LYST: variants seen among roughly 807,000 people sequenced by gnomAD.
LYST encodes the protein lysosomal trafficking regulator.
In LYST, 192 loss-of-function variants were observed where a neutral mutation model predicts 413.6. The observed-to-expected ratio is 0.46, with a 90% confidence interval of 0.41 to 0.52. The LOEUF (loss-of-function observed/expected upper bound fraction) is 0.52, where lower values mean the gene tolerates loss of function less well. Ranked by LOEUF, LYST falls within the 20% of genes least tolerant of loss-of-function variation. LYST has a pLI of 0.00. For synonymous variants in LYST, 1,525 were observed against 1,567.3 expected (o/e 0.97, Z 0.64); for missense variants, 3,815 against 4,499.9 (o/e 0.85, Z 4.35).
chr1:235,866,583 G>C (rs1451261521), intron 1 of LYST, among the ~76,000 whole-genome samples: 2 of 152,220 alleles, frequency 1.3e-5, no homozygotes, highest in Non-Finnish European at 2.9e-5. Context: ...GCCCAGCCGA[G>C]CTCCCGCCCG....
rs139238969 is a variant in LYST at position 235,777,198 on chromosome 1, G to T, written c.5325C>A (p.Phe1775Leu). 36 of 1,613,642 alleles carry T rather than the reference G, an allele frequency of 2.2e-5. No homozygotes were observed. In the African/African-American group the frequency reaches 3.7e-4, roughly 17 times the overall value. Reference sequence around the variant, plus strand: ...AGATGCTCTGAACTTCTTTTGAGCTGAAGGGTCTTTGAGAGAGTTGGGTTT... The same window carrying T: ...AGATGCTCTGAACTTCTTTTGAGCTTAAGGGTCTTTGAGAGAGTTGGGTTT... ...QMKTQLSQRP[F>L]SSKEVQSILL... Residue 1775 changes from phenylalanine (F) to leucine (L), a missense_variant, in exon 17 of 53, where the codon TTC becomes TTA. Physicochemically the swap from Phe to Leu is conservative, Grantham distance 22 (BLOSUM62 0). Coordinates refer to ENST00000389793, the MANE Select transcript of LYST (RefSeq NM_000081.4).
chr1:235,765,319 A>G (rs1356504301), intron 21 of LYST, among the ~76,000 whole-genome samples: 1 of 152,142 alleles, frequency 6.6e-6, no homozygotes, highest in East Asian at 1.9e-4. Context: ...TACTATGCCC[A>G]GATTCTGTTA....
intron 3 of LYST, among the ~76,000 whole-genome samples, chr1:235,823,682 T>C (rs532384028): frequency 6.6e-6 from 1 of 152,364 alleles, no homozygotes; most frequent in African/African-American, 2.4e-5. Context: ...TTGTAGTTCA[T>C]TGAATGTGCT....
chr1:235,873,739 G>A (rs181564495), intron 1 of LYST, among the ~76,000 whole-genome samples: 154 of 152,238 alleles, frequency 1.0e-3, no homozygotes, highest in African/African-American at 3.5e-3. Flanking sequence ...ACAAATTTCT[G>A]ATTAACTTTC....
chr1:235,862,358 A>G (rs1679976854), intron 1 of LYST, among the ~76,000 whole-genome samples: 1 of 152,218 alleles, frequency 6.6e-6, no homozygotes, highest in African/African-American at 2.4e-5. Context: ...GTCTGAAAAT[A>G]TTAAATGGAA....
chr1:235,754,133 A>G (rs1189562295), intron 25 of LYST, among the ~76,000 whole-genome samples: 1 of 151,668 alleles, frequency 6.6e-6, no homozygotes, highest in Admixed American at 6.6e-5. Context: ...CTCCCAGATG[A>G]CCTGAAGGCT....
At chr1:235,780,186 G>T (rs1159211973) in intron 16 of LYST, among the ~76,000 whole-genome samples, 1 of 151,924 alleles carries the variant, frequency 6.6e-6, no homozygotes, top group Non-Finnish European at 1.5e-5. Flanking sequence ...CGGGAAGATC[G>T]CTTGAGGCCA....
chr1:235,745,878 T>C (rs1665869997), intron 29 of LYST, among the ~76,000 whole-genome samples: 1 of 151,790 alleles, frequency 6.6e-6, no homozygotes, highest in Non-Finnish European at 1.5e-5. Context: ...CAGGGCTGAG[T>C]GGCTGGGGGT....
Position 235,746,433 on chromosome 1 carries a change from T to G in LYST, c.7875A>C (p.Arg2625Ser). Residue 2625 changes from arginine to serine, a missense_variant, in exon 29 of 53, where the codon AGA becomes AGC. Coordinates refer to ENST00000389793, the MANE Select transcript of LYST (RefSeq NM_000081.4). ...CTTGGCTAGGGTTCTCTTGGCTCAT[T>G]CTCCGTTGCATCATCACATGAAGCT... is the stretch of plus-strand genomic sequence containing the variant. Reference protein sequence around the residue: ...NDELHVMMQRRMSQENPSQAT... With the variant: ...NDELHVMMQRSMSQENPSQAT... The G allele has an allele frequency of 6.2e-7, 1 of 1,613,816 alleles. No individual in the cohort carries two copies. Among genetic ancestry groups the G allele is most frequent in the East Asian group, 2.2e-5 (1 of 44,878 alleles).
At chr1:235,672,385 A>T (rs977565141) in intron 50 of LYST, among the ~76,000 whole-genome samples, 2 of 152,144 alleles carry the variant, frequency 1.3e-5, no homozygotes, top group African/African-American at 2.4e-5. Context: ...AAGAGGAGGA[A>T]CCAGCAAAAG....
chr1:235,777,074 G>C lies in LYST; in HGVS notation c.5449C>G (p.Leu1817Val). The C allele has an allele frequency of 6.2e-7, 1 of 1,613,276 alleles. No homozygotes were observed. The highest frequency in any genetic ancestry group is 2.2e-5 in the East Asian group (1 of 44,742). Residue 1817 changes from leucine (L) to valine (V), a missense_variant, in exon 17 of 53, where the codon CTC (leucine) becomes GTC (valine). Around this residue, in one of 4 missense-constraint regions of LYST, gnomAD observed 530 missense variants for 696.5 expected, o/e 0.76. Transcript: ENST00000389793. ...GCAGTGATTCTTACCCTGGCAAAGA[G>C]AAAAACAAATATGCCAGTTCCACCA... ...EIGGTGIFVF[L>V]FARVVELSSC...
In LYST at chr1:235,800,909, T is replaced by C; in HGVS notation, c.3901A>G (p.Arg1301Gly). 3 of 1,613,668 alleles carry C rather than the reference T, an allele frequency of 1.9e-6. No individual in the cohort carries two copies. The highest frequency in any genetic ancestry group is 2.5e-6 in the Non-Finnish European group (3 of 1,179,734). ...HVFESFLKII[R>G]QKEKNVFLLM... Reference sequence around the variant, plus strand: ...AGAAAAACATTCTTTTCTTTCTGCCTAATAATTTTCAAAAAACTCTCAAAT... The same window carrying C: ...AGAAAAACATTCTTTTCTTTCTGCCCAATAATTTTCAAAAAACTCTCAAAT... The change falls in exon 9 of 53, where the codon AGG (arginine) becomes GGG (glycine). Residue 1301 changes from arginine (R) to glycine (G), a missense_variant. Arg to Gly is a moderately radical substitution (Grantham distance 125). Coordinates refer to ENST00000389793, the MANE Select transcript of LYST (RefSeq NM_000081.4).
chr1:235,814,365 G>A (rs1366994072), intron 3 of LYST, among the ~76,000 whole-genome samples: 1 of 152,182 alleles, frequency 6.6e-6, no homozygotes, highest in African/African-American at 2.4e-5. Context: ...TGGAAGGCAA[G>A]AAGATATGTG....
rs147899661 is a variant in LYST at position 235,730,931 on chromosome 1, G to C, written c.8960C>G (p.Pro2987Arg). 3.4e-4 allele frequency: 546 copies of C among 1,612,368 alleles called. No homozygotes were observed. Among genetic ancestry groups the C allele is most frequent in the Non-Finnish European group, 4.1e-4 (489 of 1,178,594 alleles). Residue 2987 changes from proline (P) to arginine (R), a missense_variant, in exon 36 of 53, where the codon CCA becomes CGA. Transcript: ENST00000389793. ...GTCTTCAAACAGGTAAGAGAGTGGT[G>C]GTTTGACAACATCTGTTGAGGAGAA... is the stretch of plus-strand genomic sequence containing the variant. The part of the protein sequence containing the change: ...DRQKSEDVVK[P>R]PLSYLFEDKT...
At chr1:235,754,303 G>A (rs543356618) in intron 25 of LYST, among the ~76,000 whole-genome samples, 1 of 144,230 alleles carries the variant, frequency 6.9e-6, no homozygotes, top group South Asian at 2.2e-4. Context: ...TGCAATCCTG[G>A]CTCACTGTAA....
At chr1:235,805,267 T>C (rs932009019) in intron 6 of LYST, among the ~76,000 whole-genome samples, 2 of 152,170 alleles carry the variant, frequency 1.3e-5, no homozygotes, top group Admixed American at 6.5e-5. Context: ...CAGCCTCATT[T>C]CCTGGGAAGC....
chr1:235,717,284 T>A (rs1367428064), intron 40 of LYST, among the ~76,000 whole-genome samples: 1 of 152,146 alleles, frequency 6.6e-6, no homozygotes, highest in African/African-American at 2.4e-5. Context: ...AAGCTGAGAT[T>A]TGGAGACTGA....
At position 235,802,929 on chromosome 1, in the gene LYST, C is replaced by T; in HGVS notation, c.3691G>A (p.Asp1231Asn). Reference protein sequence around the residue: ...YEADSESNPEDGETQDDGVDL... With the variant: ...YEADSESNPENGETQDDGVDL... ...TTACCATCATCCTGGGTTTCGCCAT[C>T]TTCAGGATTGCTTTCACTATCTGCT... Residue 1231 changes from aspartate (D) to asparagine (N), a missense_variant, in exon 8 of 53, where the codon GAT (aspartate) becomes AAT (asparagine). Asp to Asn is a conservative substitution (Grantham distance 23). Transcript: ENST00000389793. The T allele has an allele frequency of 1.2e-6, 2 of 1,613,618 alleles. No individual in the cohort carries two copies. The highest frequency in any genetic ancestry group is 2.2e-5 in the South Asian group (2 of 91,078).
chr1:235,802,214 A>C (rs927318499), intron 8 of LYST, among the ~76,000 whole-genome samples: 6 of 150,854 alleles, frequency 4.0e-5, no homozygotes, highest in East Asian at 3.9e-4. Context: ...AAAAAAAAAA[A>C]AAAAAACTAG....
Sources: gnomAD v4.1 joint callset for allele counts (sites outside exome capture counted in the v4.1 genomes callset) on GRCh38, gnomAD v4.1.1 for gene constraint, gnomAD v4.1.1 regional missense constraint, MANE v1.5 for transcripts, NCBI Gene and HGNC (gene_info 2026-07-23, HGNC 2026-07-21) for gene names.